DCC: variants seen among roughly 807,000 people sequenced by gnomAD.
The protein encoded by DCC is netrin receptor DCC.
In DCC, 58 loss-of-function variants were observed where a neutral mutation model predicts 172.5. That is an observed-to-expected ratio of 0.34 (90% CI 0.27 to 0.42). The LOEUF (loss-of-function observed/expected upper bound fraction) is 0.42, where lower values mean the gene tolerates loss of function less well. Ranked by LOEUF, DCC falls within the 10% of genes least tolerant of loss-of-function variation. DCC has a pLI of 1.00. For synonymous variants in DCC, 709 were observed against 644.5 expected, an observed-to-expected ratio of 1.10 and a Z score of -1.52; for missense variants, 1,740 against 1,791.0, an observed-to-expected ratio of 0.97 and a Z score of 0.51.
rs112363466 is a variant in DCC, at chr18:53,159,092, T to G, written c.1418+1580T>G. Among the ~76,000 whole-genome samples the G allele has an allele frequency of 9.6e-3, 1,463 of 152,144 alleles. 32 individuals are homozygous for G. Among genetic ancestry groups the G allele is most frequent in the African/African-American group, 0.033 (1,359 of 41,462 alleles). ...GAAACAGGCGTTCGTTTTAGTGTTA[T>G]CTCTGTAACTATTTGTGATCTTACG... is the stretch of plus-strand genomic sequence containing the variant. On this transcript the variant is annotated intron_variant, in intron 8 of 28. Coordinates refer to ENST00000442544, the MANE Select transcript of DCC (RefSeq NM_005215.4).
In DCC at chr18:53,280,960, AG is replaced by A. The variant is rs763856360; in HGVS notation, c.1912-24617del. Among the ~76,000 whole-genome samples, 62 of 152,064 alleles carry A rather than the reference AG, an allele frequency of 4.1e-4. 1 individual carries two copies. The highest frequency in any genetic ancestry group is 2.8e-4 in the Non-Finnish European group (19 of 68,012). ...TAAATATTAATATGTATTTATATAG[AG>A]AAAAAGTAGCAGTGTGCAGTCTTCT... On this transcript the variant is annotated intron_variant, in intron 12 of 28. Coordinates refer to ENST00000442544, the MANE Select transcript of DCC (RefSeq NM_005215.4).
chr18:53,068,954 T>C (rs2042614333), intron 7 of DCC, among the ~76,000 whole-genome samples: 2 of 151,946 alleles, frequency 1.3e-5, no homozygotes, highest in Admixed American at 1.3e-4. Flanking sequence ...TTCTTAGAAA[T>C]ACTTAATAGG....
Position 52,929,864 on chromosome 18 carries a change from T to A in DCC, c.985+4494T>A, listed in dbSNP as rs865888393. Reference sequence around the variant, plus strand: ...CACACACACACACACACACACACACTCACGTTTGTTTTCTCCATATAAGTG... The same window carrying A: ...CACACACACACACACACACACACACACACGTTTGTTTTCTCCATATAAGTG... On this transcript the variant is annotated intron_variant, in intron 5 of 28. Transcript: ENST00000442544. 3.2e-3 allele frequency among the ~76,000 whole-genome samples: 397 copies of A among 122,208 alleles called. 1 individual carries two copies. Among genetic ancestry groups the A allele is most frequent in the Admixed American group, 4.5e-3 (56 of 12,344 alleles). The allele number at this position is 122,208 out of a possible 152,430, so 80.2% of individuals were successfully genotyped here.
chr18:52,450,947 G>A (rs937075364), intron 1 of DCC, among the ~76,000 whole-genome samples: 1 of 152,120 alleles, frequency 6.6e-6, no homozygotes, highest in Non-Finnish European at 1.5e-5. Context: ...TTAGAAATAC[G>A]ATTTGAATGT....
chr18:53,170,857 A>G (rs1308749967), intron 8 of DCC, among the ~76,000 whole-genome samples: 2 of 152,048 alleles, frequency 1.3e-5, no homozygotes, highest in African/African-American at 4.8e-5. Context: ...CAGTCTACAT[A>G]GGCTTTTGAG....
intron 1 of DCC, among the ~76,000 whole-genome samples, chr18:52,536,560 C>G (rs759036304): frequency 1.4e-4 from 21 of 151,982 alleles, no homozygotes; most frequent in Non-Finnish European, 2.5e-4. Flanking sequence ...ATCAGTGTTT[C>G]TCAGGAAGAG....
chr18:52,681,076 T>A (rs1036220089), intron 1 of DCC, among the ~76,000 whole-genome samples: 1 of 152,082 alleles, frequency 6.6e-6, no homozygotes, highest in African/African-American at 2.4e-5. Context: ...CTTTATGTTA[T>A]CCCTTCAATT....
At chr18:53,063,607 T>A in intron 6 of DCC, 148 bp downstream of exon 6, 1 of 645,810 alleles carries the variant, frequency 1.5e-6, no homozygotes, top group Non-Finnish European at 2.7e-6. Flanking sequence ...AGCAAATGAT[T>A]TTCTAGACAT....
At chr18:52,785,401 T>C (rs2037637039) in intron 2 of DCC, among the ~76,000 whole-genome samples, 1 of 152,086 alleles carries the variant, frequency 6.6e-6, no homozygotes, top group Admixed American at 6.6e-5. Context: ...AAGACTCCCA[T>C]GCCCTTACTC....
intron 2 of DCC, among the ~76,000 whole-genome samples, chr18:52,846,885 G>C (rs954598569): frequency 2.6e-5 from 4 of 152,056 alleles, no homozygotes; most frequent in Non-Finnish European, 1.5e-5. Context: ...TCAGGCAGGG[G>C]GCGAGCACAT....
intron 19 of DCC, among the ~76,000 whole-genome samples, chr18:53,404,757 T>TA (rs143351711): frequency 2.6e-4 from 39 of 148,152 alleles, no homozygotes; most frequent in African/African-American, 6.5e-4. Context: ...AATAAAAAAT[T>TA]AAAAAAAAAA....
intron 2 of DCC, among the ~76,000 whole-genome samples, chr18:52,858,652 T>G (rs900132094): frequency 2.0e-5 from 3 of 152,122 alleles, no homozygotes; most frequent in Non-Finnish European, 4.4e-5. Context: ...AACCTGTAAT[T>G]AAATAGCCAT....
intron 1 of DCC, among the ~76,000 whole-genome samples, chr18:52,657,923 C>T (rs750494592): frequency 2.0e-5 from 3 of 152,242 alleles, no homozygotes; most frequent in Admixed American, 6.5e-5. Flanking sequence ...ACAGATGAAC[C>T]GCGTTAATCA....
intron 2 of DCC, among the ~76,000 whole-genome samples, chr18:52,776,993 T>G (rs1046254116): frequency 1.3e-5 from 2 of 152,202 alleles, no homozygotes; most frequent in Non-Finnish European, 2.9e-5. Flanking sequence ...AGGCCAAAGG[T>G]GCAAGTTCAG....
chr18:53,054,072 T>C (rs2042370110), intron 5 of DCC, among the ~76,000 whole-genome samples: 1 of 152,138 alleles, frequency 6.6e-6, no homozygotes, highest in African/African-American at 2.4e-5. Flanking sequence ...TCCTGATATA[T>C]AATGTTGTAA....
chr18:53,129,374 C>T (rs2043618243), intron 7 of DCC, among the ~76,000 whole-genome samples: 2 of 152,052 alleles, frequency 1.3e-5, no homozygotes, highest in South Asian at 4.1e-4. Context: ...GTTGAGTTCA[C>T]TGAATTTTGA....
Position 52,906,046 on chromosome 18 carries a change from C to T in DCC, c.415C>T (p.Pro139Ser). 1 of 1,598,876 alleles carries T rather than the reference C, an allele frequency of 6.3e-7. No homozygotes were observed. Among genetic ancestry groups the T allele is most frequent in the Non-Finnish European group, 8.6e-7 (1 of 1,166,044 alleles). The change falls in exon 3 of 29, where the codon CCA becomes TCA. Residue 139 changes from proline (P) to serine (S), a missense_variant and splice_region_variant. Physicochemically the swap from Pro to Ser is moderately conservative, Grantham distance 74. This residue lies in a region of DCC where 1,732 missense variants were observed against 1,767.4 expected (regional missense o/e 0.98). Transcript: ENST00000442544. ...SRTAKVAVAG[P>S]LRFLSQTESV... ...TTCCTTCTTTGTTTTTCTCCTAGGA[C>T]CACTGAGGTTCCTTTCACAGACAGA...
chr18:53,277,160 G>A (rs2056815535), intron 12 of DCC, among the ~76,000 whole-genome samples: 1 of 152,040 alleles, frequency 6.6e-6, no homozygotes, highest in Non-Finnish European at 1.5e-5. Flanking sequence ...TTAATATTGT[G>A]TGCCTCTTTC....
intron 12 of DCC, among the ~76,000 whole-genome samples, chr18:53,291,346 G>T (rs752236517): frequency 1.3e-5 from 2 of 151,996 alleles, no homozygotes; most frequent in Non-Finnish European, 2.9e-5. Flanking sequence ...GATCTCAGTG[G>T]TTATTCTTGA....
Sources: gnomAD v4.1 joint callset for allele counts (sites outside exome capture counted in the v4.1 genomes callset) on GRCh38, gnomAD v4.1.1 for gene constraint, gnomAD v4.1.1 regional missense constraint, MANE v1.5 for transcripts, NCBI Gene and HGNC (gene_info 2026-07-23, HGNC 2026-07-21) for gene names.